NR3C1: variants seen among roughly 807,000 people sequenced by gnomAD.
NR3C1 encodes nuclear receptor subfamily 3 group C member 1.
NR3C1 carries 14 observed loss-of-function variants against 74.0 expected under a neutral mutation model. The observed-to-expected ratio is 0.19, with a 90% confidence interval of 0.12 to 0.30. NR3C1 has a LOEUF of 0.30. Ranked by LOEUF, NR3C1 falls within the 10% of genes least tolerant of loss-of-function variation. NR3C1 has a pLI of 1.00. For missense variants in NR3C1, 695 were observed against 909.8 expected, an observed-to-expected ratio of 0.76 and a Z score of 3.04; for synonymous variants, 308 against 332.5, an observed-to-expected ratio of 0.93 and a Z score of 0.80.
At chr5:143,315,317 T>C (rs182907164) in intron 2 of NR3C1, among the ~76,000 whole-genome samples, 19 of 152,302 alleles carry the variant, frequency 1.2e-4, no homozygotes, top group Admixed American at 1.2e-3. Flanking sequence ...AACTGTATTA[T>C]GCAGCTAAAA....
intron 7 of NR3C1, among the ~76,000 whole-genome samples, chr5:143,288,182 A>C (rs974423785): frequency 6.6e-6 from 1 of 150,488 alleles, no homozygotes; most frequent in African/African-American, 2.4e-5. Context: ...ACAGTGGCAC[A>C]ATCTCGGCTT....
intron 2 of NR3C1, among the ~76,000 whole-genome samples, chr5:143,348,228 A>G (rs1372303690): frequency 6.6e-6 from 1 of 152,192 alleles, no homozygotes; most frequent in Non-Finnish European, 1.5e-5. Context: ...TTCAGATAAA[A>G]CTACTGAAAA....
chr5:143,372,107 A>G (rs1352658172), intron 2 of NR3C1, among the ~76,000 whole-genome samples: 1 of 152,238 alleles, frequency 6.6e-6, no homozygotes, highest in African/African-American at 2.4e-5. Flanking sequence ...ATATGACAGC[A>G]AAACCAGCAC....
At chr5:143,338,182 C>T (rs1006148681) in intron 2 of NR3C1, among the ~76,000 whole-genome samples, 1 of 152,108 alleles carries the variant, frequency 6.6e-6, no homozygotes, top group Non-Finnish European at 1.5e-5. Flanking sequence ...TGTGGTGATG[C>T]TGGTATAAAC....
intron 2 of NR3C1, among the ~76,000 whole-genome samples, chr5:143,325,444 T>C (rs1021402870): frequency 6.6e-6 from 1 of 152,210 alleles, no homozygotes; most frequent in African/African-American, 2.4e-5. Context: ...TTCTGGGAGA[T>C]ACAATTCACG....
intron 2 of NR3C1, among the ~76,000 whole-genome samples, chr5:143,316,811 T>A (rs1198342999): frequency 6.6e-6 from 1 of 152,186 alleles, no homozygotes; most frequent in African/African-American, 2.4e-5. Context: ...CTGAAGATTT[T>A]ATGAGTAAGT....
intron 7 of NR3C1, chr5:143,294,377 C>T (rs33944801): frequency 2.3e-6 from 2 of 861,330 alleles, no homozygotes; most frequent in African/African-American, 1.8e-5. Flanking sequence ...GTTTATAATA[C>T]CAACTAGTTC....
intron 2 of NR3C1, chr5:143,375,551 G>C (rs911419839): frequency 6.6e-6 from 1 of 152,160 alleles, no homozygotes; most frequent in Non-Finnish European, 1.5e-5. Context: ...TCGTATGTAC[G>C]CATATCACAC....
At chr5:143,387,450 T>C (rs61752262) in intron 2 of NR3C1, among the ~76,000 whole-genome samples, 16 of 152,332 alleles carry the variant, frequency 1.1e-4, no homozygotes, top group African/African-American at 3.8e-4. Flanking sequence ...TCTTCTATGC[T>C]AGTTAATGTG....
chr5:143,379,899 GGTT>G (rs1404993838), intron 2 of NR3C1, among the ~76,000 whole-genome samples: 2 of 152,156 alleles, frequency 1.3e-5, no homozygotes, highest in Non-Finnish European at 2.9e-5. Context: ...AATAATAAAT[GGTT>G]GTTATTTTAA....
At chr5:143,320,010 G>A (rs916843316) in intron 2 of NR3C1, among the ~76,000 whole-genome samples, 16 of 152,190 alleles carry the variant, frequency 1.1e-4, no homozygotes, top group African/African-American at 3.1e-4. Flanking sequence ...TCCCTCTAGC[G>A]CTAGCACTAA....
intron 7 of NR3C1, among the ~76,000 whole-genome samples, chr5:143,286,644 A>G (rs1320398247): frequency 6.6e-6 from 1 of 152,148 alleles, no homozygotes; most frequent in Non-Finnish European, 1.5e-5. Context: ...GGATAGCGAT[A>G]ATAAAAAAAC....
intron 6 of NR3C1, among the ~76,000 whole-genome samples, chr5:143,296,035 C>T (rs1252074421): frequency 2.0e-5 from 3 of 152,162 alleles, no homozygotes; most frequent in Admixed American, 2.0e-4. Context: ...ACACTGTTCA[C>T]AGTTATGCAG....
intron 2 of NR3C1, among the ~76,000 whole-genome samples, chr5:143,323,468 T>G (rs1823842591): frequency 6.6e-6 from 1 of 152,070 alleles, no homozygotes; most frequent in Admixed American, 6.6e-5. Context: ...ATTCAATTAC[T>G]GCACCCCCAC....
chr5:143,380,135 A>G (rs555082413), intron 2 of NR3C1, among the ~76,000 whole-genome samples: 160 of 152,326 alleles, frequency 1.1e-3, no homozygotes, highest in African/African-American at 3.7e-3. Flanking sequence ...AAAACAAAAG[A>G]TTGCTTATAA....
At chr5:143,371,617 C>T (rs1388206634) in intron 2 of NR3C1, among the ~76,000 whole-genome samples, 3 of 152,234 alleles carry the variant, frequency 2.0e-5, no homozygotes, top group Admixed American at 2.0e-4. Flanking sequence ...CTTGGGGTCC[C>T]ACCCCATCCC....
At chr5:143,348,920 T>C (rs1195750373) in intron 2 of NR3C1, among the ~76,000 whole-genome samples, 8 of 152,196 alleles carry the variant, frequency 5.3e-5, no homozygotes, top group Admixed American at 5.2e-4. Flanking sequence ...CCTTGTATTA[T>C]TGACAAAGGA....
intron 1 of NR3C1, among the ~76,000 whole-genome samples, chr5:143,423,990 C>T (rs1325559499): frequency 7.5e-6 from 1 of 132,856 alleles, no homozygotes; most frequent in Non-Finnish European, 1.5e-5. Flanking sequence ...CATATTCTCA[C>T]TCGTAGGTGG....
intron 7 of NR3C1, among the ~76,000 whole-genome samples, chr5:143,284,124 G>A (rs1168312570): frequency 6.6e-6 from 1 of 151,842 alleles, no homozygotes; most frequent in East Asian, 1.9e-4. Flanking sequence ...GTGTTGCCTA[G>A]GCTGGAGTGC....
Sources: gnomAD v4.1 joint callset for allele counts (sites outside exome capture counted in the v4.1 genomes callset) on GRCh38, gnomAD v4.1.1 for gene constraint, MANE v1.5 for transcripts, NCBI Gene and HGNC (gene_info 2026-07-23, HGNC 2026-07-21) for gene names.